Variants in DST observed in about 807,000 individuals in gnomAD.
DST encodes dystonin.
Under a neutral mutation model 875.2 loss-of-function variants are expected in DST, and 253 were observed. That is an observed-to-expected ratio of 0.29 (90% CI 0.26 to 0.32). The LOEUF (loss-of-function observed/expected upper bound fraction) is 0.32, where lower values mean the gene tolerates loss of function less well. Among genes scored for constraint, DST ranks in the 10% least tolerant of loss-of-function variants. The pLI, the probability that DST is intolerant of heterozygous loss-of-function variation, is 1.00. For missense variants in DST, 8,287 were observed against 9,111.6 expected (o/e 0.91, Z 3.68); for synonymous variants, 3,124 against 3,197.1 (o/e 0.98, Z 0.77).
At chr6:56,582,770 A>G (rs1211930737) in intron 49 of DST, among the ~76,000 whole-genome samples, 4 of 150,658 alleles carry the variant, frequency 2.7e-5, no homozygotes, top group African/African-American at 9.8e-5. Context: ...AACAGGCCCC[A>G]GAGTGTGATG....
chr6:56,642,045 C>G lies in DST; in HGVS notation c.1929G>C (p.Gly643=). Residue 643 remains glycine, a synonymous_variant, in exon 17 of 104, where the codon GGG becomes GGC. Coordinates refer to ENST00000680361, the MANE Select transcript of DST (RefSeq NM_001374736.1). ...VQFQNEAEIA[G]YILECENLLR... ...AAAGGTTCTCACATTCAAGTATATA[C>G]CCAGCAATTTCTGCTTCATTCTGAA... The G allele has an allele frequency of 1.2e-6, 2 of 1,612,422 alleles. No homozygotes were observed. The highest frequency in any genetic ancestry group is 1.7e-6 in the Non-Finnish European group (2 of 1,178,712).
intron 2 of DST, among the ~76,000 whole-genome samples, chr6:56,919,946 C>T (rs756357115): frequency 3.9e-5 from 6 of 152,100 alleles, no homozygotes; most frequent in Non-Finnish European, 5.9e-5. Context: ...CAGTGAGACT[C>T]TGTCTCCGGG....
At chr6:56,706,892 C>T (rs578171414) in intron 5 of DST, among the ~76,000 whole-genome samples, 4 of 152,156 alleles carry the variant, frequency 2.6e-5, no homozygotes, top group Non-Finnish European at 5.9e-5. Flanking sequence ...GTAATCCCAG[C>T]TACTTGGGAC....
At chr6:56,879,066 C>A (rs1780797841) in intron 3 of DST, among the ~76,000 whole-genome samples, 1 of 152,132 alleles carries the variant, frequency 6.6e-6, no homozygotes, top group Non-Finnish European at 1.5e-5. Context: ...TCTCTTTGCA[C>A]TCGAATCAAT....
chr6:56,488,532 A>G (rs1428055319), intron 86 of DST, among the ~76,000 whole-genome samples: 1 of 152,178 alleles, frequency 6.6e-6, no homozygotes, highest in Non-Finnish European at 1.5e-5. Context: ...GCCAGGGAAC[A>G]GATGCTCAAT....
chr6:56,796,399 G>A (rs2099739801), intron 4 of DST, among the ~76,000 whole-genome samples: 1 of 152,164 alleles, frequency 6.6e-6, no homozygotes, highest in African/African-American at 2.4e-5. Context: ...TAACTACATT[G>A]GGAAGACAGA....
intron 2 of DST, among the ~76,000 whole-genome samples, chr6:56,940,947 T>C (rs933231559): frequency 2.6e-5 from 4 of 152,190 alleles, no homozygotes; most frequent in African/African-American, 9.7e-5. Context: ...TCATTTGTCA[T>C]ACCAGTGATT....
intron 2 of DST, among the ~76,000 whole-genome samples, chr6:56,917,131 G>C (rs1801660092): frequency 6.6e-6 from 1 of 152,228 alleles, no homozygotes; most frequent in Non-Finnish European, 1.5e-5. Context: ...CCCACTGTCT[G>C]GGGGCTGAAC....
At chr6:56,723,283 G>A (rs1441651527) in intron 5 of DST, among the ~76,000 whole-genome samples, 3 of 151,530 alleles carry the variant, frequency 2.0e-5, no homozygotes, top group African/African-American at 7.3e-5. Flanking sequence ...GGGCTGTGAG[G>A]GCTGGGCGTG....
rs1419991106 is a variant in DST, at chr6:56,550,302, C to G, written c.16608+1882G>C. Among the ~76,000 whole-genome samples the G allele has an allele frequency of 3.9e-5, 6 of 151,936 alleles. 1 individual carries two copies. Among genetic ancestry groups the G allele is most frequent in the Non-Finnish European group, 7.4e-5 (5 of 67,978 alleles). The stretch of plus-strand genomic sequence containing the variant: ...AAGTATGCCATGATGTTCTTTATTG[C>G]TGAATTTCAATAAAATCAATCAACT... On this transcript the variant is annotated intron_variant, in intron 61 of 103. Coordinates refer to ENST00000680361, the MANE Select transcript of DST (RefSeq NM_001374736.1).
chr6:56,951,412 A>G (rs1041060780), intron 2 of DST, among the ~76,000 whole-genome samples: 1 of 152,228 alleles, frequency 6.6e-6, no homozygotes, highest in Non-Finnish European at 1.5e-5. Context: ...ATTTTGCAGC[A>G]GCTACTACTA....
intron 35 of DST, among the ~76,000 whole-genome samples, 200 bp downstream of exon 35, chr6:56,624,957 C>G (rs62412523): frequency 1.3e-5 from 2 of 151,572 alleles, no homozygotes; most frequent in Non-Finnish European, 2.9e-5. Flanking sequence ...TTTGGGATGA[C>G]GAAAAGGTTC....
At chr6:56,843,353 G>T in intron 4 of DST, 2 of 1,193,912 alleles carry the variant, frequency 1.7e-6, no homozygotes, top group African/African-American at 3.2e-5. Context: ...CCAGGCCTCC[G>T]GGCAGGCCGA....
At chr6:56,638,025 A>G (rs1587454466) in intron 22 of DST, among the ~76,000 whole-genome samples, 2 of 152,174 alleles carry the variant, frequency 1.3e-5, no homozygotes, top group South Asian at 4.1e-4. Context: ...AATATTATCC[A>G]TGTACCCAAA....
chr6:56,667,292 TG>T (rs2099076874), intron 10 of DST, among the ~76,000 whole-genome samples: 1 of 152,262 alleles, frequency 6.6e-6, no homozygotes, highest in African/African-American at 2.4e-5. Context: ...TTTATAATTT[TG>T]TCTCTTTTTT....
chr6:56,739,360 A>C (rs532136361), intron 4 of DST, among the ~76,000 whole-genome samples: 1 of 152,222 alleles, frequency 6.6e-6, no homozygotes, highest in South Asian at 2.1e-4. Context: ...TTGGTAAAGC[A>C]AGAACAAGGA....
chr6:56,605,263 T>G lies in DST; in HGVS notation c.9365A>C (p.Asn3122Thr), dbSNP rs1350537950. The part of the protein sequence containing the change: ...ATVTLKDEPN[N>T]LQIIVSKSPV... ...ACTTTTACTAACTATTATTTGTAGA[T>G]TATTTGGTTCATCTTTAAGAGTTAC... is the stretch of plus-strand genomic sequence containing the variant. Residue 3122 changes from asparagine to threonine, a missense_variant, in exon 40 of 104, where the codon AAT becomes ACT. Coordinates refer to ENST00000680361, the MANE Select transcript of DST (RefSeq NM_001374736.1). 2.3e-5 allele frequency: 37 copies of G among 1,610,600 alleles called. No homozygotes were observed. The highest frequency in any genetic ancestry group is 3.1e-5 in the Non-Finnish European group (36 of 1,178,030).
At chr6:56,836,383 A>G (rs1206726183) in intron 4 of DST, among the ~76,000 whole-genome samples, 3 of 152,226 alleles carry the variant, frequency 2.0e-5, no homozygotes, top group Admixed American at 1.3e-4. Context: ...CATGCCAGGC[A>G]TATGAGTAGG....
chr6:56,900,729 G>A, intron 2 of DST, 108 bp from the exon 3 acceptor site: 3 of 757,692 alleles, frequency 4.0e-6, no homozygotes, highest in Non-Finnish European at 5.6e-6. Flanking sequence ...TATTCAGTGA[G>A]ATCACGTGCA....
Sources: gnomAD v4.1 joint callset for allele counts (sites outside exome capture counted in the v4.1 genomes callset) on GRCh38, gnomAD v4.1.1 for gene constraint, MANE v1.5 for transcripts, NCBI Gene and HGNC (gene_info 2026-07-23, HGNC 2026-07-21) for gene names.